KPNA5: variants seen among roughly 807,000 people sequenced by gnomAD.
The protein encoded by KPNA5 is importin subunit alpha-6.
A neutral mutation model predicts 71.3 loss-of-function variants in KPNA5; 46 were observed. That is an observed-to-expected ratio of 0.65 (90% CI 0.51 to 0.83). The LOEUF (loss-of-function observed/expected upper bound fraction) is 0.83. Among genes scored for constraint, KPNA5 ranks in the 40% least tolerant of loss-of-function variants. KPNA5 has a pLI of 0.00. For synonymous variants in KPNA5, 207 were observed against 201.4 expected (o/e 1.03, Z -0.24); for missense variants, 547 against 628.3 (o/e 0.87, Z 1.38).
At position 116,714,960 on chromosome 6, in the gene KPNA5, G is replaced by T. The variant is rs1193773249; in HGVS notation, c.657-1259G>T. Among the ~76,000 whole-genome samples, 3 of 152,142 alleles carry T rather than the reference G, an allele frequency of 2.0e-5. No individual in the cohort carries two copies. The South Asian group carries it at 6.2e-4, about 32-fold the overall frequency. On this transcript the variant is annotated intron_variant, in intron 7 of 13. Coordinates refer to ENST00000368564, the MANE Select transcript of KPNA5 (RefSeq NM_001366306.2). ...AGGTTGCTGCCAGGCTGGGGAGGGG[G>T]TTGCGTAAGAGTAGGTTAAAATGCC...
Position 116,740,709 on chromosome 6 carries a change from T to C in KPNA5, c.*8386T>C, listed in dbSNP as rs1211950788. On this transcript the variant is annotated 3_prime_UTR_variant, in exon 14 of 14. Coordinates refer to ENST00000368564, the MANE Select transcript of KPNA5 (RefSeq NM_001366306.2). The stretch of plus-strand genomic sequence containing the variant: ...GTCCTTTGTAGGGACATGGATGAAA[T>C]TGGAAATCATCCTTCTCAGTAAGCT... The C allele has an allele frequency of 2.6e-5, 4 of 151,976 alleles. No homozygotes were observed. Among genetic ancestry groups the C allele is most frequent in the South Asian group, 4.1e-4 (2 of 4,828 alleles). The allele number at this position is 151,976 out of a possible 1,614,324, so 9.4% of individuals were successfully genotyped here.
chr6:116,727,346 C>T (rs1779327322), intron 12 of KPNA5, among the ~76,000 whole-genome samples: 1 of 151,872 alleles, frequency 6.6e-6, no homozygotes, highest in Admixed American at 6.6e-5. Context: ...GTGGATTCAA[C>T]CACCTGCAGG....
Position 116,741,788 on chromosome 6 carries a change from G to T in KPNA5, c.*9465G>T, listed in dbSNP as rs1236121229. The T allele has an allele frequency of 6.6e-6, 1 of 152,186 alleles. No homozygotes were observed. The highest frequency in any genetic ancestry group is 1.9e-4 in the East Asian group (1 of 5,202). The allele number at this position is 152,186 out of a possible 1,614,324, so 9.4% of individuals were successfully genotyped here. ...AAATGATTTAACTGAAGGGAAGCAA[G>T]ATTTTTTTAAAGCATTGTTCTTAAT... On this transcript the variant is annotated 3_prime_UTR_variant, in exon 14 of 14. Transcript: ENST00000368564.
Position 116,729,692 on chromosome 6 carries a change from G to A in KPNA5, c.1383G>A (p.Gln461=), listed in dbSNP as rs762559713. ...GTCTTGGAGAACAAGAATCTAAGCA[G>A]AATGGAATAGGCATTAATCCATACT... is the stretch of plus-strand genomic sequence containing the variant. ...ILRLGEQESK[Q]NGIGINPYCA... is the part of the protein sequence containing the mutation. Residue 461 remains glutamine, a synonymous_variant, in exon 13 of 14, where the codon CAG becomes CAA. Transcript: ENST00000368564. 44 of 1,608,946 alleles carry A rather than the reference G, an allele frequency of 2.7e-5. No individual in the cohort carries two copies. The South Asian group carries it at 4.5e-4, about 17-fold the overall frequency.
At chr6:116,719,522 T>C (rs1779026048) in intron 8 of KPNA5, among the ~76,000 whole-genome samples, 1 of 152,152 alleles carries the variant, frequency 6.6e-6, no homozygotes, top group Non-Finnish European at 1.5e-5. Flanking sequence ...TAGATTGGGT[T>C]GAGGTATAGA....
chr6:116,693,422 G>A (rs1216889781), intron 4 of KPNA5, among the ~76,000 whole-genome samples: 9 of 152,052 alleles, frequency 5.9e-5, no homozygotes, highest in Non-Finnish European at 1.3e-4. Flanking sequence ...TTTAATGATC[G>A]CCATTCTAAC....
chr6:116,690,531 T>C (rs902511299), intron 2 of KPNA5, among the ~76,000 whole-genome samples: 7 of 151,352 alleles, frequency 4.6e-5, no homozygotes, highest in Non-Finnish European at 7.4e-5. Flanking sequence ...TTGTCCCAGC[T>C]ACTCAGGAGG....
intron 7 of KPNA5, among the ~76,000 whole-genome samples, chr6:116,706,416 G>C (rs1490294885): frequency 6.6e-6 from 1 of 152,230 alleles, no homozygotes; most frequent in Non-Finnish European, 1.5e-5. Context: ...CAGGCTGGGC[G>C]TGGTGGCTCA....
chr6:116,703,675 A>C (rs1268994148), intron 6 of KPNA5, among the ~76,000 whole-genome samples: 2 of 152,232 alleles, frequency 1.3e-5, no homozygotes, highest in African/African-American at 4.8e-5. Flanking sequence ...GGTAGAAAAT[A>C]TCTTTAGTTT....
chr6:116,718,136 G>A (rs1014828372), intron 8 of KPNA5, among the ~76,000 whole-genome samples: 11 of 151,964 alleles, frequency 7.2e-5, no homozygotes, highest in African/African-American at 2.7e-4. Flanking sequence ...CTGCTTAAGC[G>A]TGTCTACCTA....
intron 4 of KPNA5, among the ~76,000 whole-genome samples, chr6:116,693,316 C>CT (rs1777882974): frequency 6.6e-6 from 1 of 152,210 alleles, no homozygotes; most frequent in Non-Finnish European, 1.5e-5. Context: ...ACCACACTGA[C>CT]TTCCACCATG....
chr6:116,703,001 T>C (rs1436414806), intron 6 of KPNA5, among the ~76,000 whole-genome samples: 1 of 152,196 alleles, frequency 6.6e-6, no homozygotes, highest in African/African-American at 2.4e-5. Flanking sequence ...TTTCATTTTA[T>C]ATATATTTTT....
intron 7 of KPNA5, among the ~76,000 whole-genome samples, chr6:116,711,535 C>CAT (rs1491503268): frequency 9.7e-6 from 1 of 103,030 alleles, no homozygotes; most frequent in African/African-American, 4.8e-5. Flanking sequence ...GTATTTTCTG[C>CAT]ATATGTGTGT....
intron 7 of KPNA5, among the ~76,000 whole-genome samples, chr6:116,709,266 G>C (rs776539829): frequency 1.3e-5 from 2 of 152,158 alleles, no homozygotes; most frequent in Non-Finnish European, 2.9e-5. Context: ...AGTAGGGAGG[G>C]TCGTTTGAGG....
At chr6:116,690,249 A>G (rs1319455754) in intron 2 of KPNA5, among the ~76,000 whole-genome samples, 2 of 152,226 alleles carry the variant, frequency 1.3e-5, no homozygotes, top group African/African-American at 4.8e-5. Flanking sequence ...GAAATATGAT[A>G]ATGATTTCTC....
In KPNA5 at chr6:116,726,599, A is replaced by G. The variant is rs1254894394; in HGVS notation, c.1230A>G (p.Ser410=). The change falls in exon 12 of 14, where the codon TCA becomes TCG. Residue 410 remains serine (S), a synonymous_variant. Transcript: ENST00000368564. The stretch of plus-strand genomic sequence containing the variant: ...CTTGGGCTATAACTAATGCAACATC[A>G]GGAGGTACTCCAGAGCAAATAAGGT... The part of the protein sequence containing the change: ...EAAWAITNAT[S]GGTPEQIRYL... 2 of 1,611,242 alleles carry G rather than the reference A, an allele frequency of 1.2e-6. No homozygotes were observed. The highest frequency in any genetic ancestry group is 4.5e-5 in the East Asian group (2 of 44,746).
In KPNA5 at chr6:116,721,645, A is replaced by G. The variant is rs144355573; in HGVS notation, c.757-481A>G. ...TTCTTATCAGTGTAATAGTTTATTAATGACTTCCACTTGAGTACCCTTCAC... is the reference window on the plus strand; with the variant it reads ...TTCTTATCAGTGTAATAGTTTATTAGTGACTTCCACTTGAGTACCCTTCAC... On this transcript the variant is annotated intron_variant, in intron 8 of 13. Transcript: ENST00000368564. Among the ~76,000 whole-genome samples the G allele has an allele frequency of 3.3e-5, 5 of 152,320 alleles. No homozygotes were observed. In the East Asian group the frequency reaches 7.7e-4, roughly 23 times the overall value.
At position 116,704,971 on chromosome 6, in the gene KPNA5, T is replaced by C. The variant is rs1051942449; in HGVS notation, c.568-101T>C. 12 of 675,638 alleles carry C rather than the reference T, an allele frequency of 1.8e-5. No homozygotes were observed. The Admixed American group carries it at 3.4e-4, about 19-fold the overall frequency. 41.9% of individuals were successfully genotyped at this position (675,638 alleles called of 1,614,324 possible). The stretch of plus-strand genomic sequence containing the variant: ...TTTTCTACTGTTTTTTTTTAACATA[T>C]CAGAAACTGTTGCTTTGTTCATTGT... On this transcript the variant is annotated intron_variant, in intron 6 of 13. Transcript: ENST00000368564.
rs1777826727 is a variant in KPNA5, at chr6:116,692,159, A to G, written c.240+3A>G. On this transcript the variant is annotated splice_donor_region_variant and intron_variant, in intron 3 of 13. Coordinates refer to ENST00000368564, the MANE Select transcript of KPNA5 (RefSeq NM_001366306.2). ...GTTCCACTGTACCCATTCCAGAGGTATACTTTACCAAAATATGTTTCAAAT... is the reference window on the plus strand; with the variant it reads ...GTTCCACTGTACCCATTCCAGAGGTGTACTTTACCAAAATATGTTTCAAAT... 1.3e-6 allele frequency: 2 copies of G among 1,577,870 alleles called. No homozygotes were observed. The highest frequency in any genetic ancestry group is 2.2e-5 in the East Asian group (1 of 44,608).
Sources: allele counts gnomAD v4.1 joint callset (sites outside exome capture counted in the v4.1 genomes callset), GRCh38; gene constraint gnomAD v4.1.1; transcripts MANE v1.5; gene names NCBI Gene and HGNC (gene_info 2026-07-23, HGNC 2026-07-21).